Variants in EDAR observed in about 807,000 individuals in gnomAD.
EDAR encodes the protein tumor necrosis factor receptor superfamily member EDAR.
Under a neutral mutation model 51.3 loss-of-function variants are expected in EDAR, and 38 were observed. The observed-to-expected ratio is 0.74, with a 90% CI of 0.57 to 0.97. EDAR has a LOEUF of 0.97. Ranked by LOEUF, EDAR falls within the 50% of genes least tolerant of loss-of-function variation. The pLI is 0.00. For synonymous variants in EDAR, 227 were observed against 242.1 expected, an observed-to-expected ratio of 0.94 and a Z score of 0.58; for missense variants, 528 against 595.0, an observed-to-expected ratio of 0.89 and a Z score of 1.17.
At chr2:108,956,276 G>C (rs922454327) in intron 1 of EDAR, among the ~76,000 whole-genome samples, 1 of 152,310 alleles carries the variant, frequency 6.6e-6, no homozygotes, top group Admixed American at 6.5e-5. Context: ...CCTGGCTGGA[G>C]ATACCCTTTT....
intron 6 of EDAR, among the ~76,000 whole-genome samples, chr2:108,911,979 C>G (rs1453489605): frequency 6.6e-6 from 1 of 152,184 alleles, no homozygotes; most frequent in Non-Finnish European, 1.5e-5. Context: ...TTGAGCTACT[C>G]CCCCCGGGGC....
chr2:108,903,969 A>C (rs1480909799), intron 11 of EDAR, among the ~76,000 whole-genome samples: 2 of 152,200 alleles, frequency 1.3e-5, no homozygotes, highest in Non-Finnish European at 1.5e-5. Context: ...TTGACTCATA[A>C]AAATTTAAAA....
At chr2:108,916,938 G>C (rs150332213) in intron 5 of EDAR, among the ~76,000 whole-genome samples, 4 of 152,248 alleles carry the variant, frequency 2.6e-5, no homozygotes, top group African/African-American at 9.6e-5. Context: ...GGAGGACATG[G>C]GGATTCAGAC....
intron 11 of EDAR, among the ~76,000 whole-genome samples, chr2:108,904,296 A>G (rs1225543799): frequency 6.6e-6 from 1 of 152,236 alleles, no homozygotes; most frequent in Non-Finnish European, 1.5e-5. Context: ...CTAAAACAAA[A>G]CATAGTAACA....
intron 4 of EDAR, among the ~76,000 whole-genome samples, chr2:108,924,012 G>A (rs544802211): frequency 2.6e-5 from 4 of 152,362 alleles, no homozygotes; most frequent in African/African-American, 7.2e-5. Context: ...CAATGCAGGT[G>A]GCCCTCATGA....
At chr2:108,929,950 T>C (rs1267549112) in intron 3 of EDAR, among the ~76,000 whole-genome samples, 170 bp downstream of exon 3, 1 of 152,222 alleles carries the variant, frequency 6.6e-6, no homozygotes. Flanking sequence ...GTGCCATTCC[T>C]GGGCTCACGG....
chr2:108,982,227 A>G (rs1698432037), intron 1 of EDAR, among the ~76,000 whole-genome samples: 1 of 152,194 alleles, frequency 6.6e-6, no homozygotes, highest in South Asian at 2.1e-4. Flanking sequence ...TAACAAAGAA[A>G]TGTTCCAGGG....
At chr2:108,945,053 CA>C (rs1697689842) in intron 1 of EDAR, among the ~76,000 whole-genome samples, 1 of 152,174 alleles carries the variant, frequency 6.6e-6, no homozygotes, top group Non-Finnish European at 1.5e-5. Context: ...TTGCATTGTA[CA>C]GTCTGGTGCT....
chr2:108,922,333 G>A (rs1392596518), intron 5 of EDAR, among the ~76,000 whole-genome samples: 1 of 152,268 alleles, frequency 6.6e-6, no homozygotes, highest in African/African-American at 2.4e-5. Context: ...CCATGAGTCA[G>A]GCTGGCAGCC....
At chr2:108,943,621 C>T (rs1261215372) in intron 1 of EDAR, among the ~76,000 whole-genome samples, 1 of 152,124 alleles carries the variant, frequency 6.6e-6, no homozygotes, top group African/African-American at 2.4e-5. Context: ...CTTCCGAGCA[C>T]AACAGAATGT....
At position 108,910,999 on chromosome 2, in the gene EDAR, G is replaced by A. The variant is rs150286846; in HGVS notation, c.603C>T (p.Ala201=). ...TGTAGAACATGATGATGAGGACGATGGCGATGGCCATGATGAAGATGGTGG... is the reference window on the plus strand; with the variant it reads ...TGTAGAACATGATGATGAGGACGATAGCGATGGCCATGATGAAGATGGTGG... ...AMSTIFIMAI[A]IVLIIMFYIL... is the part of the protein sequence containing the mutation. Residue 201 remains alanine, a synonymous_variant, in exon 7 of 12, where the codon GCC becomes GCT. Transcript: ENST00000258443. The A allele has an allele frequency of 3.2e-5, 52 of 1,614,074 alleles. No individual in the cohort carries two copies. Among genetic ancestry groups the A allele is most frequent in the Non-Finnish European group, 5.1e-6 (6 of 1,180,040 alleles).
intron 5 of EDAR, among the ~76,000 whole-genome samples, chr2:108,916,284 C>T (rs1697027065): frequency 6.6e-6 from 1 of 152,194 alleles, no homozygotes; most frequent in Non-Finnish European, 1.5e-5. Context: ...GAATGTTTGT[C>T]ATCTTCGCCT....
At chr2:108,972,999 T>TG (rs1027687630) in intron 1 of EDAR, among the ~76,000 whole-genome samples, 9 of 152,314 alleles carry the variant, frequency 5.9e-5, no homozygotes, top group African/African-American at 1.9e-4. Context: ...TGAATTTTTT[T>TG]TTTTGAGATG....
chr2:108,987,919 T>G (rs1265953539), intron 1 of EDAR, among the ~76,000 whole-genome samples: 1 of 152,242 alleles, frequency 6.6e-6, no homozygotes, highest in Non-Finnish European at 1.5e-5. Context: ...ACATTCTCTA[T>G]TTTAGATGCC....
intron 1 of EDAR, among the ~76,000 whole-genome samples, chr2:108,975,251 C>T (rs1698302283): frequency 6.6e-6 from 1 of 152,198 alleles, no homozygotes; most frequent in Non-Finnish European, 1.5e-5. Flanking sequence ...CAGCTGCGGC[C>T]TCAGGCAGAA....
In EDAR at chr2:108,911,598, C is replaced by T. The variant is rs13395803; in HGVS notation, c.530-526G>A. On this transcript the variant is annotated intron_variant, in intron 6 of 11. Coordinates refer to ENST00000258443, the MANE Select transcript of EDAR (RefSeq NM_022336.4). ...GGGCCACCTATTCCACCTGCACTGC[C>T]GCCTCCACCAGGCAGTCCCTCAGTC... Among the ~76,000 whole-genome samples the T allele has an allele frequency of 7.0e-3, 1,073 of 152,294 alleles. 12 individuals carry two copies. Among genetic ancestry groups the T allele is most frequent in the African/African-American group, 0.024 (1,003 of 41,558 alleles).
At chr2:108,953,241 C>G (rs372103256) in intron 1 of EDAR, among the ~76,000 whole-genome samples, 27 of 152,296 alleles carry the variant, frequency 1.8e-4, no homozygotes, top group East Asian at 1.5e-3. Context: ...CCCTGTGAGG[C>G]ATCTGAGCTC....
chr2:108,935,251 C>A (rs1332127739), intron 1 of EDAR, among the ~76,000 whole-genome samples: 1 of 152,176 alleles, frequency 6.6e-6, no homozygotes, highest in Non-Finnish European at 1.5e-5. Context: ...ATCACATCAG[C>A]TTATGACTAC....
At chr2:108,957,113 G>A (rs1247377790) in intron 1 of EDAR, among the ~76,000 whole-genome samples, 1 of 152,196 alleles carries the variant, frequency 6.6e-6, no homozygotes, top group Non-Finnish European at 1.5e-5. Flanking sequence ...TGTAACTGTG[G>A]GACTTGCAGT....
Sources: allele counts gnomAD v4.1 joint callset (sites outside exome capture counted in the v4.1 genomes callset), GRCh38; gene constraint gnomAD v4.1.1; transcripts MANE v1.5; gene names NCBI Gene and HGNC (gene_info 2026-07-23, HGNC 2026-07-21).